The following PCDHA1 variants were observed in gnomAD, a reference collection of about 807,000 sequenced individuals.
PCDHA1 encodes the protein protocadherin alpha-1.
Under a neutral mutation model 61.3 loss-of-function variants are expected in PCDHA1, and 42 were observed. That is an observed-to-expected ratio of 0.69 (90% CI 0.54 to 0.89). The LOEUF (loss-of-function observed/expected upper bound fraction) is 0.89. Ranked by LOEUF, PCDHA1 falls within the 40% of genes least tolerant of loss-of-function variation. The pLI, the probability that PCDHA1 is intolerant of heterozygous loss-of-function variation, is 0.00. For missense variants in PCDHA1, 1,256 were observed against 1,235.3 expected, an observed-to-expected ratio of 1.02 and a Z score of -0.25; for synonymous variants, 610 against 553.8, an observed-to-expected ratio of 1.10 and a Z score of -1.43.
At chr5:140,978,913 T>C in intron 1 of PCDHA1, 36 bp from the exon 2 acceptor site, 1 of 1,613,902 alleles carries the variant, frequency 6.2e-7, no homozygotes, top group Non-Finnish European at 8.5e-7. Flanking sequence ...CATTGTCTTG[T>C]CATTTTAACA....
At chr5:140,965,403 T>G (rs1241477329) in intron 1 of PCDHA1, among the ~76,000 whole-genome samples, 1 of 151,946 alleles carries the variant, frequency 6.6e-6, no homozygotes, top group Admixed American at 6.6e-5. Flanking sequence ...GTCTAAGGAG[T>G]CTTATATTTA....
chr5:140,808,602 G>GC (rs782337586), intron 1 of PCDHA1: 30 of 1,613,888 alleles, frequency 1.9e-5, no homozygotes, highest in Non-Finnish European at 2.3e-5. Flanking sequence ...CCGCCGGGCT[G>GC]CCACATCTTC....
chr5:140,877,699 A>G (rs1554169995), intron 1 of PCDHA1: 2 of 1,613,896 alleles, frequency 1.2e-6, no homozygotes, highest in Middle Eastern at 1.7e-4. Flanking sequence ...GGTGTGCTCC[A>G]GCGCCGTGGG....
At chr5:140,884,354 G>A (rs2060118274) in intron 1 of PCDHA1, 1 of 1,613,952 alleles carries the variant, frequency 6.2e-7, no homozygotes, top group African/African-American at 1.3e-5. Context: ...GCTGGTGGAT[G>A]TCAATGTTTA....
intron 1 of PCDHA1, chr5:140,842,240 A>G: frequency 6.2e-7 from 1 of 1,612,484 alleles, no homozygotes; most frequent in East Asian, 2.2e-5. Context: ...GATTCGGGGT[A>G]ATTTGGATTT....
intron 1 of PCDHA1, among the ~76,000 whole-genome samples, chr5:140,904,645 T>A (rs1554191647): frequency 6.6e-6 from 1 of 152,128 alleles, no homozygotes; most frequent in Non-Finnish European, 1.5e-5. Context: ...CTCCACACTG[T>A]TTTCCATAGT....
chr5:140,836,455 C>G, intron 1 of PCDHA1: 1 of 1,613,840 alleles, frequency 6.2e-7, no homozygotes, highest in Non-Finnish European at 8.5e-7. Flanking sequence ...GGCCCAGAGA[C>G]CGAGCTGGTG....
chr5:140,872,286 G>C (rs145153656), intron 1 of PCDHA1, among the ~76,000 whole-genome samples: 7 of 151,974 alleles, frequency 4.6e-5, no homozygotes, highest in Admixed American at 1.3e-4. Flanking sequence ...AAAAAGTTAA[G>C]CCTTGCATTC....
chr5:140,959,834 G>A (rs1223310946), intron 1 of PCDHA1, among the ~76,000 whole-genome samples: 1 of 152,144 alleles, frequency 6.6e-6, no homozygotes, highest in African/African-American at 2.4e-5. Context: ...AATGTATTAT[G>A]CCTGTAACTG....
chr5:140,809,288 A>G (rs781967550), intron 1 of PCDHA1: 2 of 1,614,070 alleles, frequency 1.2e-6, no homozygotes, highest in Non-Finnish European at 1.7e-6. Context: ...CGTATACCTG[A>G]TCATTGCCAT....
At position 140,796,497 on chromosome 5, in the gene PCDHA1, C is replaced by T. The variant is rs570971742; in HGVS notation, c.2394+7813C>T. On this transcript the variant is annotated intron_variant, in intron 1 of 3. Coordinates refer to ENST00000504120, the MANE Select transcript of PCDHA1 (RefSeq NM_018900.4). ...CGTTGTCGAGCTACGTTTCGGTGCA[C>T]GCGGAGAGCGGCAAGGTGTACGCGC... 271 of 1,612,286 alleles carry T rather than the reference C, an allele frequency of 1.7e-4. 1 individual carries two copies. Among genetic ancestry groups the T allele is most frequent in the South Asian group, 5.8e-4 (53 of 91,008 alleles).
Position 141,009,711 on chromosome 5 carries a change from C to G in PCDHA1, c.2627C>G (p.Pro876Arg), listed in dbSNP as rs575518914. Reference sequence around the variant, plus strand: ...ACCTTTAAATACGGACCAGGCAACCCCAAACAATCCGGTCCCGGTGAGTTG... The same window carrying G: ...ACCTTTAAATACGGACCAGGCAACCGCAAACAATCCGGTCCCGGTGAGTTG... The part of the protein sequence containing the change: ...SWTFKYGPGN[P>R]KQSGPGELPD... Residue 876 changes from proline to arginine, a missense_variant, in exon 4 of 4, where the codon CCC (proline) becomes CGC (arginine). Transcript: ENST00000504120. The G allele has an allele frequency of 6.2e-6, 10 of 1,613,982 alleles. No homozygotes were observed. Among genetic ancestry groups the G allele is most frequent in the Non-Finnish European group, 8.5e-6 (10 of 1,180,036 alleles).
rs374265125 is a variant in PCDHA1 at position 140,808,741 on chromosome 5, C to G, written c.2394+20057C>G. The G allele has an allele frequency of 1.4e-4, 219 of 1,612,110 alleles. No individual in the cohort carries two copies. The East Asian group carries it at 4.5e-3, about 33-fold the overall frequency. ...TGCATGCGGAGAGCGGCAAGGTGTA[C>G]GCGCTGCAGCCGCTGGACCACGAGG... On this transcript the variant is annotated intron_variant, in intron 1 of 3. Coordinates refer to ENST00000504120, the MANE Select transcript of PCDHA1 (RefSeq NM_018900.4).
chr5:140,823,553 T>C lies in PCDHA1; in HGVS notation c.2394+34869T>C, dbSNP rs2150126826. The C allele has an allele frequency of 5.6e-6, 9 of 1,613,782 alleles. No homozygotes were observed. Among genetic ancestry groups the C allele is most frequent in the Non-Finnish European group, 6.8e-6 (8 of 1,179,888 alleles). On this transcript the variant is annotated intron_variant, in intron 1 of 3. Coordinates refer to ENST00000504120, the MANE Select transcript of PCDHA1 (RefSeq NM_018900.4). Reference sequence around the variant, plus strand: ...GGTGCGGGCCACGTGGTGGCGAAGGTGCGCGCAGTGGACCCTGATTCGGGC... The same window carrying C: ...GGTGCGGGCCACGTGGTGGCGAAGGCGCGCGCAGTGGACCCTGATTCGGGC...
intron 1 of PCDHA1, among the ~76,000 whole-genome samples, chr5:140,855,047 T>C (rs1426970366): frequency 1.3e-5 from 2 of 149,978 alleles, no homozygotes; most frequent in African/African-American, 2.4e-5. Flanking sequence ...TCTGTAATAG[T>C]ACTTTTCTGT....
intron 1 of PCDHA1, among the ~76,000 whole-genome samples, chr5:140,957,038 C>A (rs534661886): frequency 2.0e-5 from 3 of 151,928 alleles, no homozygotes; most frequent in African/African-American, 7.3e-5. Context: ...TTATGGGAGT[C>A]ATATAAAATA....
chr5:140,904,555 C>CT (rs569725486), intron 1 of PCDHA1, among the ~76,000 whole-genome samples: 13 of 151,744 alleles, frequency 8.6e-5, no homozygotes, highest in Middle Eastern at 3.4e-3. Flanking sequence ...CATATAATGA[C>CT]TTTTTTTTCC....
chr5:140,795,650 T>G lies in PCDHA1; in HGVS notation c.2394+6966T>G, dbSNP rs937213419. The G allele has an allele frequency of 5.6e-6, 9 of 1,613,938 alleles. No homozygotes were observed. Among genetic ancestry groups the G allele is most frequent in the Non-Finnish European group, 7.6e-6 (9 of 1,179,942 alleles). ...GAGCTCACGGGCACCGTTCAAATACTTATTAAGGTATTAGATGTAAATGAC... is the reference window on the plus strand; with the variant it reads ...GAGCTCACGGGCACCGTTCAAATACGTATTAAGGTATTAGATGTAAATGAC... On this transcript the variant is annotated intron_variant, in intron 1 of 3. Transcript: ENST00000504120.
intron 1 of PCDHA1, chr5:140,801,656 G>T (rs370475459): frequency 1.2e-6 from 2 of 1,614,184 alleles, no homozygotes; most frequent in South Asian, 1.1e-5. Flanking sequence ...CTCGGTTTTC[G>T]CTAGAGGGCG....
Sources: gnomAD v4.1 joint callset for allele counts (sites outside exome capture counted in the v4.1 genomes callset) on GRCh38, gnomAD v4.1.1 for gene constraint, MANE v1.5 for transcripts, NCBI Gene and HGNC (gene_info 2026-07-23, HGNC 2026-07-21) for gene names.